The following LRMDA variants were observed in gnomAD, a reference collection of about 807,000 sequenced individuals.
The protein encoded by LRMDA is leucine-rich melanocyte differentiation-associated protein.
A neutral mutation model predicts 29.8 loss-of-function variants in LRMDA; 18 were observed. That is an observed-to-expected ratio of 0.60 (90% CI 0.42 to 0.90). The LOEUF is 0.90. Among genes scored for constraint, LRMDA ranks in the 40% least tolerant of loss-of-function variants. LRMDA has a pLI of 0.00. For synonymous variants in LRMDA, 125 were observed against 109.4 expected (o/e 1.14, Z -0.89); for missense variants, 273 against 273.9 (o/e 1.00, Z 0.02).
intron 2 of LRMDA, among the ~76,000 whole-genome samples, chr10:75,942,264 C>T (rs779312344): frequency 1.4e-4 from 22 of 152,118 alleles, no homozygotes; most frequent in Admixed American, 1.3e-4. Flanking sequence ...TTCATTTGTG[C>T]CACCTCACCC....
intron 2 of LRMDA, among the ~76,000 whole-genome samples, chr10:75,995,003 A>G (rs1207255594): frequency 6.6e-6 from 1 of 152,076 alleles, no homozygotes; most frequent in Non-Finnish European, 1.5e-5. Flanking sequence ...ATCTTTCTTT[A>G]TCTGGGTGGT....
At chr10:76,294,628 A>T (rs1178662598) in intron 5 of LRMDA, among the ~76,000 whole-genome samples, 5 of 152,232 alleles carry the variant, frequency 3.3e-5, no homozygotes, top group Admixed American at 1.3e-4. Flanking sequence ...CACAGGTTTT[A>T]GATCATGGTT....
chr10:75,972,636 T>G (rs1846996869), intron 2 of LRMDA, among the ~76,000 whole-genome samples: 1 of 152,140 alleles, frequency 6.6e-6, no homozygotes, highest in South Asian at 2.1e-4. Context: ...CTCACACCTC[T>G]AAATTTCTCT....
intron 2 of LRMDA, among the ~76,000 whole-genome samples, chr10:76,014,889 C>G (rs1295317575): frequency 6.6e-6 from 1 of 152,190 alleles, no homozygotes. Flanking sequence ...GGCTAGCCTC[C>G]TGGCTGCAGC....
intron 2 of LRMDA, among the ~76,000 whole-genome samples, chr10:75,707,562 A>C (rs1376413997): frequency 6.6e-6 from 1 of 152,166 alleles, no homozygotes; most frequent in African/African-American, 2.4e-5. Context: ...AGACCCAGGG[A>C]GGGCTTTATG....
At chr10:75,658,205 A>G (rs928484244) in intron 2 of LRMDA, among the ~76,000 whole-genome samples, 1 of 151,564 alleles carries the variant, frequency 6.6e-6, no homozygotes, top group African/African-American at 2.4e-5. Context: ...GTTAAAGGGA[A>G]TGAAACGTGC....
intron 2 of LRMDA, among the ~76,000 whole-genome samples, chr10:75,445,142 C>T (rs190298556): frequency 1.3e-4 from 20 of 152,240 alleles, no homozygotes; most frequent in Admixed American, 1.1e-3. Flanking sequence ...TGGGATCTCC[C>T]TATGTTTCCC....
chr10:76,423,129 A>C (rs1420896167), intron 6 of LRMDA, among the ~76,000 whole-genome samples: 1 of 152,228 alleles, frequency 6.6e-6, no homozygotes, highest in Admixed American at 6.5e-5. Flanking sequence ...GCGTAGTGGC[A>C]CATGCCTGTA....
intron 5 of LRMDA, among the ~76,000 whole-genome samples, chr10:76,182,335 A>G (rs905525201): frequency 6.6e-6 from 1 of 152,254 alleles, no homozygotes; most frequent in Middle Eastern, 3.4e-3. Flanking sequence ...CCATGATCCA[A>G]TCACCTCCCA....
chr10:75,648,575 A>C (rs1256038718), intron 2 of LRMDA, among the ~76,000 whole-genome samples: 3 of 152,164 alleles, frequency 2.0e-5, no homozygotes, highest in Non-Finnish European at 2.9e-5. Context: ...GAGCAGAAAT[A>C]CAGTCTCATT....
intron 5 of LRMDA, among the ~76,000 whole-genome samples, chr10:76,127,094 G>A (rs1241780490): frequency 1.3e-5 from 2 of 152,174 alleles, no homozygotes; most frequent in Non-Finnish European, 2.9e-5. Context: ...CATTATGAGC[G>A]CTGACATTGT....
intron 2 of LRMDA, among the ~76,000 whole-genome samples, chr10:75,681,451 T>A (rs186924735): frequency 3.5e-4 from 53 of 152,314 alleles, no homozygotes; most frequent in Non-Finnish European, 2.9e-5. Flanking sequence ...GTGGTTTGGC[T>A]CATCTAGGCC....
chr10:75,484,550 A>T (rs1760572675), intron 2 of LRMDA, among the ~76,000 whole-genome samples: 2 of 152,140 alleles, frequency 1.3e-5, no homozygotes, highest in Admixed American at 6.5e-5. Context: ...TTTATTATGG[A>T]CTGAATTGTT....
chr10:75,794,610 C>G (rs1843621576), intron 2 of LRMDA, among the ~76,000 whole-genome samples: 1 of 152,154 alleles, frequency 6.6e-6, no homozygotes, highest in African/African-American at 2.4e-5. Context: ...TTAGTGTCGT[C>G]AGTCTTTTGA....
At chr10:76,049,658 C>G (rs566981012) in intron 4 of LRMDA, among the ~76,000 whole-genome samples, 9 of 152,258 alleles carry the variant, frequency 5.9e-5, no homozygotes, top group African/African-American at 2.2e-4. Context: ...GTTTGTGCTC[C>G]ATTTGCCACT....
chr10:76,052,235 C>T (rs532018842), intron 4 of LRMDA, among the ~76,000 whole-genome samples: 7 of 152,294 alleles, frequency 4.6e-5, no homozygotes, highest in East Asian at 3.9e-4. Flanking sequence ...CATAGACTGC[C>T]GTAAACGGAA....
chr10:76,297,719 A>G (rs1038433108), intron 5 of LRMDA, among the ~76,000 whole-genome samples: 1 of 152,164 alleles, frequency 6.6e-6, no homozygotes, highest in African/African-American at 2.4e-5. Flanking sequence ...GAAAGTTATA[A>G]CAAATGGAAG....
chr10:76,463,658 A>G (rs1842534761), intron 6 of LRMDA, among the ~76,000 whole-genome samples: 1 of 152,004 alleles, frequency 6.6e-6, no homozygotes, highest in Non-Finnish European at 1.5e-5. Context: ...GGGAGGGGGG[A>G]AGGGCTTTAA....
chr10:76,318,603 C>T (rs1589425481), intron 5 of LRMDA: 2 of 153,020 alleles, frequency 1.3e-5, no homozygotes, highest in Middle Eastern at 3.3e-3. Context: ...CCAGACTCAC[C>T]CTCATCCCTA....
Sources: allele counts gnomAD v4.1 joint callset (sites outside exome capture counted in the v4.1 genomes callset), GRCh38; gene constraint gnomAD v4.1.1; transcripts MANE v1.5; gene names NCBI Gene and HGNC (gene_info 2026-07-23, HGNC 2026-07-21).